Variants in TBC1D12 observed in about 807,000 individuals in gnomAD.
TBC1D12 encodes TBC1 domain family, member 12.
In TBC1D12, 56 loss-of-function variants were observed where a neutral mutation model predicts 86.7. The observed-to-expected ratio is 0.65, with a 90% CI of 0.52 to 0.81. The LOEUF is 0.81. Among genes scored for constraint, TBC1D12 ranks in the 30% least tolerant of loss-of-function variants. The probability of loss-of-function intolerance (pLI) is 0.00; values close to 1 mark genes in which losing one functional copy is unlikely to be tolerated. For missense variants in TBC1D12, 1,023 were observed against 1,038.8 expected, an observed-to-expected ratio of 0.98 and a Z score of 0.21; for synonymous variants, 421 against 411.7, an observed-to-expected ratio of 1.02 and a Z score of -0.27.
Position 94,520,320 on chromosome 10 carries a change from A to C in TBC1D12, c.1762-1635A>C, listed in dbSNP as rs192253985. On this transcript the variant is annotated intron_variant, in intron 9 of 12. Coordinates refer to ENST00000225235, the MANE Select transcript of TBC1D12 (RefSeq NM_015188.2). ...GTAATCCCAGCACTTTGGGAGGCCG[A>C]GGTGGGTGGATCACCTGAGGTCGGG... is the stretch of plus-strand genomic sequence containing the variant. Among the ~76,000 whole-genome samples the C allele has an allele frequency of 3.4e-3, 514 of 152,244 alleles. 1 individual carries two copies. The highest frequency in any genetic ancestry group is 0.012 in the African/African-American group (486 of 41,568).
intron 1 of TBC1D12, among the ~76,000 whole-genome samples, 176 bp from the exon 2 acceptor site, chr10:94,441,720 G>A (rs549654647): frequency 3.9e-5 from 6 of 152,274 alleles, no homozygotes; most frequent in Admixed American, 1.3e-4. Context: ...TAGGTATTAA[G>A]CTACATATTC....
At chr10:94,407,055 A>T (rs1244647210) in intron 1 of TBC1D12, among the ~76,000 whole-genome samples, 2 of 103,794 alleles carry the variant, frequency 1.9e-5, no homozygotes, top group East Asian at 4.0e-4. Context: ...GAGAAACCTT[A>T]AAAAAAAAAC....
chr10:94,517,390 C>G (rs758732665), intron 9 of TBC1D12, among the ~76,000 whole-genome samples: 3 of 152,124 alleles, frequency 2.0e-5, no homozygotes, highest in Non-Finnish European at 4.4e-5. Flanking sequence ...AACAAACAAA[C>G]AAAAATCCTC....
chr10:94,466,721 A>G (rs2055830159), intron 2 of TBC1D12, among the ~76,000 whole-genome samples: 1 of 152,198 alleles, frequency 6.6e-6, no homozygotes, highest in South Asian at 2.1e-4. Context: ...TAATGTTAGC[A>G]TCTATTACCC....
At chr10:94,511,476 C>T (rs1033305411) in intron 8 of TBC1D12, 107 bp from the exon 9 acceptor site, 5 of 751,470 alleles carry the variant, frequency 6.7e-6, no homozygotes, top group African/African-American at 3.5e-5. Context: ...ATTAAATATG[C>T]TAAAACTAGT....
At chr10:94,454,716 C>T (rs771905526) in intron 2 of TBC1D12, among the ~76,000 whole-genome samples, 8 of 152,126 alleles carry the variant, frequency 5.3e-5, no homozygotes, top group Non-Finnish European at 8.8e-5. Flanking sequence ...AAGTGATTGA[C>T]TTTTGTACAT....
chr10:94,447,405 T>C (rs1302396048), intron 2 of TBC1D12, among the ~76,000 whole-genome samples: 1 of 152,222 alleles, frequency 6.6e-6, no homozygotes, highest in Non-Finnish European at 1.5e-5. Context: ...TTTGGGTTCA[T>C]AAGTGAAAGA....
chr10:94,519,532 A>T, intron 9 of TBC1D12, among the ~76,000 whole-genome samples: 1 of 152,166 alleles, frequency 6.6e-6, no homozygotes, highest in East Asian at 1.9e-4. Context: ...TCTCTACAAA[A>T]ACAAAATTTA....
rs139654415 is a variant in TBC1D12 at position 94,472,364 on chromosome 10, G to A, written c.1096-2304G>A. ...CTGCTGGTAATGACCTTCAGCAAAT[G>A]AGTATACATCTTTGTGCCTCAGTTT... On this transcript the variant is annotated intron_variant, in intron 2 of 12. Coordinates refer to ENST00000225235, the MANE Select transcript of TBC1D12 (RefSeq NM_015188.2). Among the ~76,000 whole-genome samples the A allele has an allele frequency of 5.3e-4, 80 of 152,324 alleles. 1 individual carries two copies. The highest frequency in any genetic ancestry group is 1.7e-3 in the East Asian group (9 of 5,192).
At chr10:94,450,585 TA>T (rs987569342) in intron 2 of TBC1D12, among the ~76,000 whole-genome samples, 1 of 152,126 alleles carries the variant, frequency 6.6e-6, no homozygotes, top group Non-Finnish European at 1.5e-5. Flanking sequence ...CAAATTTATG[TA>T]TTAGAAAAAT....
At chr10:94,438,188 T>C (rs1185503804) in intron 1 of TBC1D12, among the ~76,000 whole-genome samples, 4 of 152,100 alleles carry the variant, frequency 2.6e-5, no homozygotes, top group Non-Finnish European at 5.9e-5. Flanking sequence ...GTATGGTAAC[T>C]ATAAATCTGT....
chr10:94,443,591 A>C (rs1237535684), intron 2 of TBC1D12, among the ~76,000 whole-genome samples: 2 of 152,172 alleles, frequency 1.3e-5, no homozygotes, highest in African/African-American at 4.8e-5. Flanking sequence ...GGATATTTAA[A>C]TTTTTTGAGG....
At chr10:94,500,429 A>G in intron 6 of TBC1D12, 102 bp downstream of exon 6, 1 of 836,450 alleles carries the variant, frequency 1.2e-6, no homozygotes. Context: ...GGCCTTTATC[A>G]TATATAATGT....
intron 2 of TBC1D12, among the ~76,000 whole-genome samples, chr10:94,461,562 C>T (rs1044797580): frequency 1.3e-5 from 2 of 152,162 alleles, no homozygotes; most frequent in African/African-American, 2.4e-5. Flanking sequence ...ATAAAACTCA[C>T]GAAAGTGTAT....
chr10:94,515,696 C>CTA (rs2134214110), intron 9 of TBC1D12, among the ~76,000 whole-genome samples: 1 of 152,244 alleles, frequency 6.6e-6, no homozygotes, highest in East Asian at 1.9e-4. Context: ...GTGCAGAATC[C>CTA]TATATATACT....
intron 11 of TBC1D12, among the ~76,000 whole-genome samples, chr10:94,523,819 A>G (rs1050951358): frequency 1.3e-5 from 2 of 152,190 alleles, no homozygotes; most frequent in Admixed American, 1.3e-4. Context: ...AAATAAAAAA[A>G]TTGGCCAGAC....
chr10:94,487,694 C>CTTTTTTTT (rs35682157), intron 3 of TBC1D12, among the ~76,000 whole-genome samples: 1 of 127,336 alleles, frequency 7.9e-6, no homozygotes, highest in Non-Finnish European at 1.7e-5. Flanking sequence ...TGTTGTTTCT[C>CTTTTTTTT]TTTTTTTTTT....
chr10:94,431,049 A>G (rs2055208625), intron 1 of TBC1D12, among the ~76,000 whole-genome samples: 1 of 152,182 alleles, frequency 6.6e-6, no homozygotes, highest in South Asian at 2.1e-4. Context: ...ATGAATTTAA[A>G]GGGGGAAAGA....
Position 94,403,382 on chromosome 10 carries a change from A to T in TBC1D12, c.769A>T (p.Asn257Tyr). 6.5e-7 allele frequency: 1 copy of T among 1,543,080 alleles called. No homozygotes were observed. The highest frequency in any genetic ancestry group is 8.7e-7 in the Non-Finnish European group (1 of 1,144,584). The change falls in exon 1 of 13, where the codon AAT becomes TAT. Residue 257 changes from asparagine (N) to tyrosine (Y), a missense_variant. Transcript: ENST00000225235. ...APPATSAERT[N>Y]GGAEPRLGFS... ...CCCTGCCACCTCGGCCGAGAGGACTAATGGGGGTGCGGAGCCGCGCCTGGG... is the reference window on the plus strand; with the variant it reads ...CCCTGCCACCTCGGCCGAGAGGACTTATGGGGGTGCGGAGCCGCGCCTGGG...
Sources: allele counts gnomAD v4.1 joint callset (sites outside exome capture counted in the v4.1 genomes callset), GRCh38; gene constraint gnomAD v4.1.1; transcripts MANE v1.5; gene names NCBI Gene and HGNC (gene_info 2026-07-23, HGNC 2026-07-21).